CSMD1: variants seen among roughly 807,000 people sequenced by gnomAD.
CSMD1 encodes the protein CUB and Sushi multiple domains 1, also known as CUB and sushi domain-containing protein 1.
In CSMD1, 213 loss-of-function variants were observed where a neutral mutation model predicts 417.5. The ratio of observed to expected loss-of-function variants is 0.51; its 90% CI spans 0.46 to 0.57. The LOEUF (loss-of-function observed/expected upper bound fraction) is 0.57, where lower values mean the gene tolerates loss of function less well. Ranked by LOEUF, CSMD1 falls within the 20% of genes least tolerant of loss-of-function variation. The pLI, the probability that CSMD1 is intolerant of heterozygous loss-of-function variation, is 0.00. For missense variants in CSMD1, 6,923 were observed against 4,529.7 expected (o/e 1.53, Z -15.17); for synonymous variants, 2,862 against 1,736.8 (o/e 1.65, Z -16.11).
intron 3 of CSMD1, among the ~76,000 whole-genome samples, chr8:4,145,200 A>C (rs1383168316): frequency 6.6e-6 from 1 of 151,104 alleles, no homozygotes; most frequent in Admixed American, 6.6e-5. Context: ...GTACGTGTTT[A>C]TATTGAGTAC....
intron 29 of CSMD1, among the ~76,000 whole-genome samples, chr8:3,218,237 A>C (rs1797994148): frequency 2.6e-5 from 4 of 152,182 alleles, no homozygotes. Flanking sequence ...GGAAGGGTAC[A>C]GATATGTTGA....
chr8:2,936,472 T>G lies in CSMD1; in HGVS notation c.*2113A>C, dbSNP rs1247496192. 6.6e-6 allele frequency: 1 copy of G among 152,022 alleles called. No individual in the cohort carries two copies. The highest frequency in any genetic ancestry group is 1.5e-5 in the Non-Finnish European group (1 of 68,000). 9.4% of individuals were successfully genotyped at this position (152,022 alleles called of 1,614,324 possible). On this transcript the variant is annotated 3_prime_UTR_variant, in exon 70 of 70. Coordinates refer to ENST00000635120, the MANE Select transcript of CSMD1 (RefSeq NM_033225.6). Reference sequence around the variant, plus strand: ...TCCTCACACTTTCAATCATCTTCTGTTTCGTTCAATGTGTGTGTTAGGAGC... The same window carrying G: ...TCCTCACACTTTCAATCATCTTCTGGTTCGTTCAATGTGTGTGTTAGGAGC...
chr8:3,624,467 G>A (rs555472129), intron 7 of CSMD1, among the ~76,000 whole-genome samples: 2 of 152,140 alleles, frequency 1.3e-5, no homozygotes, highest in Non-Finnish European at 2.9e-5. Context: ...TAGCACGAAG[G>A]CACTTACGAT....
At chr8:4,746,498 C>T (rs574831325) in intron 1 of CSMD1, among the ~76,000 whole-genome samples, 9 of 152,160 alleles carry the variant, frequency 5.9e-5, no homozygotes, top group African/African-American at 1.7e-4. Context: ...TCTTTATCAT[C>T]GGTGATGAGA....
intron 1 of CSMD1, among the ~76,000 whole-genome samples, chr8:4,733,692 C>A (rs373819378): frequency 6.6e-6 from 1 of 152,156 alleles, no homozygotes; most frequent in African/African-American, 2.4e-5. Flanking sequence ...CCTATTTTTC[C>A]TTTCTCCTAT....
intron 25 of CSMD1, among the ~76,000 whole-genome samples, chr8:3,294,126 G>C (rs1281291564): frequency 6.6e-6 from 1 of 152,174 alleles, no homozygotes; most frequent in Non-Finnish European, 1.5e-5. Context: ...CAGCAGCAGA[G>C]ACTGCAGAAC....
intron 44 of CSMD1, 42 bp from the exon 45 acceptor site, chr8:3,107,840 C>T: frequency 7.9e-7 from 1 of 1,261,754 alleles, no homozygotes; most frequent in Non-Finnish European, 1.1e-6. Flanking sequence ...TGCAATTACA[C>T]TTGCTGAATA....
At chr8:3,335,592 G>A (rs982424031) in intron 23 of CSMD1, among the ~76,000 whole-genome samples, 4 of 152,134 alleles carry the variant, frequency 2.6e-5, no homozygotes, top group Non-Finnish European at 5.9e-5. Context: ...CAGGAGAATC[G>A]CTTGAACCTG....
chr8:4,346,807 C>A (rs117800555), intron 3 of CSMD1, among the ~76,000 whole-genome samples: 8,342 of 152,254 alleles, frequency 0.055, 340 homozygotes, highest in Admixed American at 0.12. Context: ...GATACAATGT[C>A]CCGCTGTAGA....
At chr8:3,881,344 A>G (rs1806190049) in intron 5 of CSMD1, among the ~76,000 whole-genome samples, 1 of 151,706 alleles carries the variant, frequency 6.6e-6, no homozygotes, top group Non-Finnish European at 1.5e-5. Flanking sequence ...ATATATAAAA[A>G]GCAAGTTGGG....
At chr8:3,843,894 G>A (rs546547912) in intron 5 of CSMD1, among the ~76,000 whole-genome samples, 3 of 152,234 alleles carry the variant, frequency 2.0e-5, no homozygotes, top group East Asian at 1.9e-4. Flanking sequence ...TTAGAGTAAC[G>A]TAATTTACAC....
chr8:4,500,521 A>G (rs1339063824), intron 2 of CSMD1, among the ~76,000 whole-genome samples: 2 of 152,154 alleles, frequency 1.3e-5, no homozygotes, highest in Admixed American at 1.3e-4. Context: ...AGCATTTAAG[A>G]TGAAGGAATC....
At chr8:4,463,356 A>G (rs1285897671) in intron 2 of CSMD1, among the ~76,000 whole-genome samples, 4 of 152,314 alleles carry the variant, frequency 2.6e-5, no homozygotes, top group East Asian at 1.9e-4. Context: ...TGGTGCGTCT[A>G]TTTTGTAAAA....
intron 37 of CSMD1, among the ~76,000 whole-genome samples, chr8:3,163,953 C>T (rs529568886): frequency 2.0e-5 from 3 of 152,264 alleles, no homozygotes; most frequent in Admixed American, 6.5e-5. Flanking sequence ...ATCTCTCATG[C>T]GTGTTGAGCT....
intron 7 of CSMD1, among the ~76,000 whole-genome samples, chr8:3,687,070 A>T (rs1468049446): frequency 1.3e-5 from 2 of 152,210 alleles, no homozygotes; most frequent in East Asian, 1.9e-4. Context: ...ACAGTATTGG[A>T]TATCAAATAC....
intron 3 of CSMD1, among the ~76,000 whole-genome samples, chr8:4,415,200 C>G (rs1047717561): frequency 6.6e-6 from 1 of 152,122 alleles, no homozygotes; most frequent in East Asian, 1.9e-4. Flanking sequence ...AACCCAGGCT[C>G]AGGATCATCC....
chr8:3,660,908 C>A (rs73661612), intron 7 of CSMD1, among the ~76,000 whole-genome samples: 1,919 of 152,204 alleles, frequency 0.013, 40 homozygotes, highest in African/African-American at 0.044. Flanking sequence ...CACAGCTGCT[C>A]CCAATTCATA....
rs779001588 is a variant in CSMD1 at position 3,409,555 on chromosome 8, G to C, written c.1612C>G (p.Arg538Gly). 6.2e-7 allele frequency: 1 copy of C among 1,610,004 alleles called. No homozygotes were observed. The change falls in exon 13 of 70, where the codon CGG (arginine) becomes GGG (glycine). Residue 538 changes from arginine (R) to glycine (G), a missense_variant. Physicochemically the swap from Arg to Gly is moderately radical, Grantham distance 125. Coordinates refer to ENST00000635120, the MANE Select transcript of CSMD1 (RefSeq NM_033225.6). Reference protein sequence around the residue: ...GDPGIPAYGKRTGSSFLHGDT... With the variant: ...GDPGIPAYGKGTGSSFLHGDT... ...CCATGGAGGAAACTGCTGCCCGTCC[G>C]CTTCCCATAGGCGGGGATTCCAGGA...
intron 3 of CSMD1, among the ~76,000 whole-genome samples, chr8:4,133,640 A>G (rs746556624): frequency 6.6e-6 from 1 of 152,212 alleles, no homozygotes. Context: ...CGAAGAGGAA[A>G]ACTCTAAAAT....
Sources: gnomAD v4.1 joint callset for allele counts (sites outside exome capture counted in the v4.1 genomes callset) on GRCh38, gnomAD v4.1.1 for gene constraint, MANE v1.5 for transcripts, NCBI Gene and HGNC (gene_info 2026-07-23, HGNC 2026-07-21) for gene names.